Variants in KCNH5 observed in about 807,000 individuals in gnomAD.
KCNH5 encodes the protein voltage-gated delayed rectifier potassium channel KCNH5.
Under a neutral mutation model 96.1 loss-of-function variants are expected in KCNH5, and 46 were observed. That is an observed-to-expected ratio of 0.48 (90% CI 0.38 to 0.61). The LOEUF is 0.61. KCNH5 is among the 20% of genes least tolerant of loss of function. The probability of loss-of-function intolerance (pLI) is 0.00; values close to 1 mark genes in which losing one functional copy is unlikely to be tolerated. For synonymous variants in KCNH5, 439 were observed against 449.8 expected (o/e 0.98, Z 0.30); for missense variants, 907 against 1,225.8 (o/e 0.74, Z 3.88).
chr14:62,761,356 C>CAA (rs5809168), intron 10 of KCNH5, among the ~76,000 whole-genome samples: 1,524 of 127,378 alleles, frequency 0.012, 26 homozygotes, highest in African/African-American at 0.043. Context: ...CTCACTCTCT[C>CAA]AAAAAAAAAA....
At chr14:62,791,542 A>G (rs1383873723) in intron 9 of KCNH5, among the ~76,000 whole-genome samples, 1 of 151,718 alleles carries the variant, frequency 6.6e-6, no homozygotes, top group East Asian at 1.9e-4. Flanking sequence ...ACTATTTTAG[A>G]TTTAAGGACA....
intron 9 of KCNH5, among the ~76,000 whole-genome samples, chr14:62,795,167 AC>A (rs1566662786): frequency 6.6e-6 from 1 of 152,172 alleles, no homozygotes. Flanking sequence ...AATGCATTTT[AC>A]TATAAACCTC....
At chr14:62,937,000 AAG>A (rs1429169806) in intron 7 of KCNH5, among the ~76,000 whole-genome samples, 1 of 151,312 alleles carries the variant, frequency 6.6e-6, no homozygotes, top group African/African-American at 2.4e-5. Flanking sequence ...AAAAAAAAAA[AAG>A]ATGAAGAAAG....
At chr14:62,770,056 C>G (rs563225174) in intron 10 of KCNH5, among the ~76,000 whole-genome samples, 5 of 152,096 alleles carry the variant, frequency 3.3e-5, no homozygotes, top group African/African-American at 4.8e-5. Flanking sequence ...GTGGAACAAA[C>G]GGGCTCTACT....
intron 7 of KCNH5, among the ~76,000 whole-genome samples, chr14:62,939,053 G>A (rs1442169308): frequency 6.6e-6 from 1 of 152,064 alleles, no homozygotes; most frequent in Non-Finnish European, 1.5e-5. Context: ...GAGAAAAAAC[G>A]GTTTGGACCC....
intron 10 of KCNH5, among the ~76,000 whole-genome samples, chr14:62,770,931 A>T (rs1307397678): frequency 1.3e-5 from 2 of 152,184 alleles, no homozygotes; most frequent in Non-Finnish European, 2.9e-5. Context: ...GTATGGCTGT[A>T]TTTGGAGACA....
intron 9 of KCNH5, 93 bp downstream of exon 9, chr14:62,802,235 CA>C: frequency 1.5e-6 from 2 of 1,327,452 alleles, no homozygotes; most frequent in Non-Finnish European, 2.1e-6. Context: ...CCAAAGTTAC[CA>C]AACAAAGGAA....
chr14:62,755,779 C>T (rs1885609106), intron 10 of KCNH5, among the ~76,000 whole-genome samples: 2 of 152,074 alleles, frequency 1.3e-5, no homozygotes, highest in Non-Finnish European at 2.9e-5. Context: ...GGGATTTATC[C>T]CAGGGATCTG....
intron 7 of KCNH5, among the ~76,000 whole-genome samples, chr14:62,911,974 G>T (rs555880201): frequency 1.2e-4 from 17 of 145,132 alleles, no homozygotes; most frequent in Admixed American, 1.1e-3. Context: ...GGAGGCGGAT[G>T]TTGCAGTGAG....
At chr14:62,980,396 T>C (rs1439962849) in intron 6 of KCNH5, among the ~76,000 whole-genome samples, 8 of 152,232 alleles carry the variant, frequency 5.3e-5, no homozygotes, top group Admixed American at 4.6e-4. Flanking sequence ...TGTTATCATA[T>C]GTGTCTTGAG....
In KCNH5 at chr14:62,706,142, A is replaced by G. The variant is rs920086068; in HGVS notation, c.*1366T>C. On this transcript the variant is annotated 3_prime_UTR_variant, in exon 11 of 11. Transcript: ENST00000322893. ...GGACAACTCTTTGTGACTTTTTTTA[A>G]AAACTTGATAATAGGCACTTTCTAC... The G allele has an allele frequency of 3.3e-5, 5 of 152,086 alleles. No individual in the cohort carries two copies. Among genetic ancestry groups the G allele is most frequent in the African/African-American group, 1.2e-4 (5 of 41,444 alleles). The allele number at this position is 152,086 out of a possible 1,614,324, so 9.4% of individuals were successfully genotyped here.
At chr14:62,904,101 A>T (rs1888982312) in intron 7 of KCNH5, among the ~76,000 whole-genome samples, 1 of 152,216 alleles carries the variant, frequency 6.6e-6, no homozygotes, top group Non-Finnish European at 1.5e-5. Flanking sequence ...CATTTGTCAC[A>T]AATGCAAGCC....
rs1884426647 is a variant in KCNH5 at position 62,706,147 on chromosome 14, T to C, written c.*1361A>G. The C allele has an allele frequency of 4.6e-5, 7 of 152,128 alleles. No individual in the cohort carries two copies. Among genetic ancestry groups the C allele is most frequent in the Admixed American group, 3.3e-4 (5 of 15,270 alleles). The allele number at this position is 152,128 out of a possible 1,614,324, so 9.4% of individuals were successfully genotyped here. ...ACTCTTTGTGACTTTTTTTAAAAAC[T>C]TGATAATAGGCACTTTCTACAAAGA... On this transcript the variant is annotated 3_prime_UTR_variant, in exon 11 of 11. Transcript: ENST00000322893.
At chr14:62,858,442 C>T (rs1274206955) in intron 7 of KCNH5, among the ~76,000 whole-genome samples, 1 of 152,192 alleles carries the variant, frequency 6.6e-6, no homozygotes, top group Non-Finnish European at 1.5e-5. Context: ...TGTTCCTTAC[C>T]TCCACTAGGG....
intron 7 of KCNH5, among the ~76,000 whole-genome samples, chr14:62,914,302 C>T (rs1315575199): frequency 6.6e-6 from 1 of 152,008 alleles, no homozygotes. Flanking sequence ...CCAAAGCCAC[C>T]CTTATAAATT....
At chr14:62,901,067 C>A (rs189196029) in intron 7 of KCNH5, among the ~76,000 whole-genome samples, 1 of 152,070 alleles carries the variant, frequency 6.6e-6, no homozygotes, top group Admixed American at 6.5e-5. Context: ...CGGCTCAATA[C>A]AACCTCCGCC....
chr14:63,002,595 T>C (rs1891031174), intron 3 of KCNH5, among the ~76,000 whole-genome samples: 1 of 152,054 alleles, frequency 6.6e-6, no homozygotes, highest in Non-Finnish European at 1.5e-5. Flanking sequence ...CTAGCTTCCA[T>C]TAAGAACCGA....
chr14:62,810,718 C>T (rs1170918811), intron 8 of KCNH5, among the ~76,000 whole-genome samples: 4 of 152,088 alleles, frequency 2.6e-5, no homozygotes, highest in Non-Finnish European at 4.4e-5. Context: ...GAATAATCCA[C>T]CCCTTGTTTA....
chr14:63,012,591 A>G (rs891151591), intron 2 of KCNH5, among the ~76,000 whole-genome samples: 1 of 152,106 alleles, frequency 6.6e-6, no homozygotes, highest in Admixed American at 6.6e-5. Flanking sequence ...ACACAGGGCC[A>G]CAAGAAGATG....
Sources: allele counts gnomAD v4.1 joint callset (sites outside exome capture counted in the v4.1 genomes callset), GRCh38; gene constraint gnomAD v4.1.1; transcripts MANE v1.5; gene names NCBI Gene and HGNC (gene_info 2026-07-23, HGNC 2026-07-21).